Variants in HDAC7 observed in about 807,000 individuals in gnomAD.
The protein encoded by HDAC7 is histone deacetylase 7, also known as histone deacetylase 7A.
Under a neutral mutation model 115.5 loss-of-function variants are expected in HDAC7, and 26 were observed. That is an observed-to-expected ratio of 0.23 (90% CI 0.16 to 0.31). The LOEUF is 0.31. Ranked by LOEUF, HDAC7 falls within the 10% of genes least tolerant of loss-of-function variation. The probability of loss-of-function intolerance (pLI) is 1.00; values close to 1 mark genes in which losing one functional copy is unlikely to be tolerated. For missense variants in HDAC7, 1,068 were observed against 1,329.0 expected (o/e 0.80, Z 3.05); for synonymous variants, 564 against 550.9 (o/e 1.02, Z -0.33).
rs958021831 is a variant in HDAC7 at position 47,798,301 on chromosome 12, A to G, written c.350-82T>C. 1.7e-6 allele frequency: 2 copies of G among 1,159,836 alleles called. No homozygotes were observed. Among genetic ancestry groups the G allele is most frequent in the Non-Finnish European group, 2.6e-6 (2 of 773,978 alleles). The allele number at this position is 1,159,836 out of a possible 1,614,324, so 71.8% of individuals were successfully genotyped here. A position where few individuals can be genotyped will look rare whatever the true frequency, so the allele number is the denominator to read the frequency against. On this transcript the variant is annotated intron_variant, in intron 4 of 25. Transcript: ENST00000080059. The surrounding 1 kb of genome is among the most constrained non-coding windows in gnomAD (Gnocchi z 4.3). ...ACTACCTGGCCACTGCCCTGTCCCC[A>G]TCCTCAGTAGGAGGCGTCCCAGGGA... is the stretch of plus-strand genomic sequence containing the variant.
At chr12:47,816,184 G>A (rs1264119717) in intron 1 of HDAC7, among the ~76,000 whole-genome samples, 2 of 151,986 alleles carry the variant, frequency 1.3e-5, no homozygotes, top group African/African-American at 4.8e-5. Context: ...AAGTCACCGC[G>A]CCCGGCCCAG....
rs1943712927 is a variant in HDAC7 at position 47,794,752 on chromosome 12, T to C, written c.1458+8A>G. 6.4e-7 allele frequency: 1 copy of C among 1,570,724 alleles called. No homozygotes were observed. The highest frequency in any genetic ancestry group is 1.4e-5 in the African/African-American group (1 of 73,092). The stretch of plus-strand genomic sequence containing the variant: ...CACTTTCTGAGGGGCAGGTGGGGAC[T>C]GCCATACCTGAGGGTGCTGCTGGAG... On this transcript the variant is annotated splice_region_variant and intron_variant, in intron 12 of 25. Coordinates refer to ENST00000080059, the MANE Select transcript of HDAC7 (RefSeq NM_015401.5).
At chr12:47,813,973 C>A (rs1944774949) in intron 1 of HDAC7, among the ~76,000 whole-genome samples, 1 of 152,228 alleles carries the variant, frequency 6.6e-6, no homozygotes, top group African/African-American at 2.4e-5. Context: ...AGAGCCGGAA[C>A]CTGACACCCA....
upstream of HDAC7, chr12:47,820,001 G>C (rs1263874371): frequency 6.5e-6 from 1 of 153,292 alleles, no homozygotes. This position sits in a 1 kb window ranked among gnomAD's most constrained non-coding sequence, Gnocchi z 4.3. Context: ...GCGGGCCAAG[G>C]GGGAGGGGAG....
At chr12:47,796,428 T>TC in intron 7 of HDAC7, 130 bp from the exon 8 acceptor site, 1 of 362,198 alleles carries the variant, frequency 2.8e-6, no homozygotes, top group East Asian at 6.2e-5. Context: ...CCTGCTTTCT[T>TC]TTTTTTTTTT....
chr12:47,787,890 A>G (rs780854100), intron 20 of HDAC7, 81 bp from the exon 21 acceptor site: 1 of 1,526,756 alleles, frequency 6.5e-7, no homozygotes. Flanking sequence ...CTGCCAGCCC[A>G]GCTCATCCAG....
In HDAC7 at chr12:47,796,196, C is replaced by T. The variant is rs367639046; in HGVS notation, c.795+11G>A. 1.4e-5 allele frequency: 23 copies of T among 1,601,930 alleles called. No individual in the cohort carries two copies. The highest frequency in any genetic ancestry group is 1.8e-5 in the Non-Finnish European group (21 of 1,175,430). ...CTGCCCCAGGAGAGCCCAGTCTCGG[C>T]AAGGCCTTACCTCCGAGCCCAGGAT... On this transcript the variant is annotated intron_variant, in intron 8 of 25. Transcript: ENST00000080059.
rs750789901 is a variant in HDAC7 at position 47,798,544 on chromosome 12, G to A, written c.349+18C>T. On this transcript the variant is annotated intron_variant, in intron 4 of 25. Coordinates refer to ENST00000080059, the MANE Select transcript of HDAC7 (RefSeq NM_015401.5). This position sits in a 1 kb window ranked among gnomAD's most constrained non-coding sequence, Gnocchi z 4.3. Reference sequence around the variant, plus strand: ...TGGCTGGTGGGGCTGGGCTGGGCTGGGGTGGCCACCTCCTTACTTCGCTTG... The same window carrying A: ...TGGCTGGTGGGGCTGGGCTGGGCTGAGGTGGCCACCTCCTTACTTCGCTTG... The A allele has an allele frequency of 1.1e-5, 17 of 1,610,486 alleles. No homozygotes were observed. Among genetic ancestry groups the A allele is most frequent in the Non-Finnish European group, 1.3e-5 (15 of 1,177,844 alleles).
chr12:47,797,227 G>A lies in HDAC7; in HGVS notation c.578-85C>T, dbSNP rs754348329. On this transcript the variant is annotated intron_variant, in intron 6 of 25. Transcript: ENST00000080059. This position sits in a 1 kb window ranked among gnomAD's most constrained non-coding sequence, Gnocchi z 5.5. ...CCCCTCAGTCCCAGTCATCTCTATCGGTCAAGGAAAGAGAAGGCAGAACTA... is the reference window on the plus strand; with the variant it reads ...CCCCTCAGTCCCAGTCATCTCTATCAGTCAAGGAAAGAGAAGGCAGAACTA... 3.9e-5 allele frequency: 61 copies of A among 1,557,120 alleles called. No homozygotes were observed. The highest frequency in any genetic ancestry group is 1.8e-4 in the Admixed American group (10 of 55,708).
Position 47,795,237 on chromosome 12 carries a change from C to T in HDAC7, c.1231G>A (p.Gly411Ser), listed in dbSNP as rs779370371. Residue 411 changes from glycine to serine, a missense_variant, in exon 11 of 26, where the codon GGC becomes AGC. Around this residue, in one of 6 missense-constraint regions of HDAC7, gnomAD observed 618 missense variants for 701.5 expected, o/e 0.88. Transcript: ENST00000080059. The surrounding 1 kb of genome is among the most constrained non-coding windows in gnomAD (Gnocchi z 4.3). ...TGCTCCAGGCGGGGCTGCATGGGGC[C>T]CGGCGGTGGGGGAGCGGTGGCACTG... Reference protein sequence around the residue: ...PPSATAPPPPGPMQPRLEQLK... With the variant: ...PPSATAPPPPSPMQPRLEQLK... The T allele has an allele frequency of 6.2e-7, 1 of 1,612,900 alleles. No homozygotes were observed. Among genetic ancestry groups the T allele is most frequent in the South Asian group, 1.1e-5 (1 of 90,968 alleles).
rs1202639186 is a variant in HDAC7 at position 47,797,448 on chromosome 12, G to A, written c.513C>T (p.Ser171=). 6.2e-7 allele frequency: 1 copy of A among 1,614,172 alleles called. No homozygotes were observed. Among genetic ancestry groups the A allele is most frequent in the South Asian group, 1.1e-5 (1 of 91,084 alleles). The change falls in exon 6 of 26, where the codon AGC becomes AGT. Residue 171 remains serine (S), a synonymous_variant. Transcript: ENST00000080059. The surrounding 1 kb of genome is among the most constrained non-coding windows in gnomAD (Gnocchi z 5.5). ...GCAGGCTGGGAACAGGAGGCAAAAAGCTGCTGAGCATGGAGCGGGTGGCTC... is the reference window on the plus strand; with the variant it reads ...GCAGGCTGGGAACAGGAGGCAAAAAACTGCTGAGCATGGAGCGGGTGGCTC... ...TEGATRSMLS[S]FLPPVPSLPS...
chr12:47,815,636 C>A (rs951686539), intron 1 of HDAC7, among the ~76,000 whole-genome samples: 8 of 152,158 alleles, frequency 5.3e-5, no homozygotes, highest in Non-Finnish European at 7.3e-5. Flanking sequence ...AATTTTGAGA[C>A]AGTCTCACTC....
At chr12:47,791,187 G>T in intron 16 of HDAC7, 72 bp downstream of exon 16, 1 of 1,373,700 alleles carries the variant, frequency 7.3e-7, no homozygotes, top group Non-Finnish European at 1.0e-6. Context: ...CAGGGGCTGG[G>T]CCTGGGAGAA....
intron 7 of HDAC7, 24 bp downstream of exon 7, chr12:47,796,993 C>T (rs754812324): frequency 2.0e-5 from 30 of 1,518,942 alleles, no homozygotes; most frequent in Non-Finnish European, 1.9e-5. Flanking sequence ...GGATGGCAAC[C>T]GCACTGGCTC....
At chr12:47,802,495 A>G (rs917242945) in intron 1 of HDAC7, 2 of 1,550,890 alleles carry the variant, frequency 1.3e-6, no homozygotes, top group African/African-American at 2.7e-5. Context: ...CCTCTTCCTC[A>G]AGTCACTCAT....
rs77980815 is a variant in HDAC7 at position 47,791,021 on chromosome 12, A to G, written c.1983+238T>C. 2,108 of 572,224 alleles carry G rather than the reference A, an allele frequency of 3.7e-3. 43 individuals carry two copies. The African/African-American group carries it at 0.037, about 10-fold the overall frequency. 35.4% of individuals were successfully genotyped at this position (572,224 alleles called of 1,614,324 possible). A position where few individuals can be genotyped will look rare whatever the true frequency, so the allele number is the denominator to read the frequency against. Reference sequence around the variant, plus strand: ...TGAAACCTCACTCAACATCTACCAGACACCTTCTAGGGGAAGGCTTAGGCT... The same window carrying G: ...TGAAACCTCACTCAACATCTACCAGGCACCTTCTAGGGGAAGGCTTAGGCT... On this transcript the variant is annotated intron_variant, in intron 16 of 25. Transcript: ENST00000080059.
Position 47,785,902 on chromosome 12 carries a change from G to T in HDAC7, c.2573-17C>A. Reference sequence around the variant, plus strand: ...ATCCAAAACCTAGAGGTTGGGAGGGGAGAAATGGGAGGGGCGGGAGTGGAG... The same window carrying T: ...ATCCAAAACCTAGAGGTTGGGAGGGTAGAAATGGGAGGGGCGGGAGTGGAG... On this transcript the variant is annotated splice_polypyrimidine_tract_variant and intron_variant, in intron 22 of 25. Transcript: ENST00000080059. 1 of 1,574,698 alleles carries T rather than the reference G, an allele frequency of 6.4e-7. No individual in the cohort carries two copies. Among genetic ancestry groups the T allele is most frequent in the Non-Finnish European group, 8.7e-7 (1 of 1,155,992 alleles).
intron 1 of HDAC7, among the ~76,000 whole-genome samples, chr12:47,810,973 A>C (rs1346842638): frequency 6.6e-6 from 1 of 152,136 alleles, no homozygotes; most frequent in African/African-American, 2.4e-5. Flanking sequence ...ACACAGCCGC[A>C]CGGCTATCAG....
intron 19 of HDAC7, 46 bp from the exon 20 acceptor site, chr12:47,788,210 G>A (rs1371359383): frequency 1.9e-6 from 3 of 1,562,592 alleles, no homozygotes; most frequent in African/African-American, 1.4e-5. Context: ...GAGAGATGGG[G>A]GCCAGGACAG....
Sources: gnomAD v4.1 joint callset for allele counts (sites outside exome capture counted in the v4.1 genomes callset) on GRCh38, gnomAD v4.1.1 for gene constraint, gnomAD v4.1.1 regional missense constraint, Gnocchi (gnomAD v3.1) non-coding constraint, MANE v1.5 for transcripts, NCBI Gene and HGNC (gene_info 2026-07-23, HGNC 2026-07-21) for gene names.